Variants in PSMD1 observed in about 807,000 individuals in gnomAD.
The protein encoded by PSMD1 is proteasome 26S subunit, non-ATPase 1.
PSMD1 carries 18 observed loss-of-function variants against 119.0 expected under a neutral mutation model. That is an observed-to-expected ratio of 0.15 (90% CI 0.10 to 0.22). PSMD1 has a LOEUF of 0.22. Ranked by LOEUF, PSMD1 falls within the 10% of genes least tolerant of loss-of-function variation. The probability of loss-of-function intolerance (pLI) is 1.00; values close to 1 mark genes in which losing one functional copy is unlikely to be tolerated. For missense variants in PSMD1, 702 were observed against 1,158.5 expected (o/e 0.61, Z 5.72); for synonymous variants, 374 against 396.6 (o/e 0.94, Z 0.68).
At chr2:231,155,612 C>CT (rs1696467772) in intron 19 of PSMD1, among the ~76,000 whole-genome samples, 1 of 150,354 alleles carries the variant, frequency 6.7e-6, no homozygotes, top group Admixed American at 6.6e-5. Flanking sequence ...TTTGTAAATT[C>CT]TTTATTTTTG....
At chr2:231,058,781 C>G (rs751594592) in intron 1 of PSMD1, among the ~76,000 whole-genome samples, 10 of 152,186 alleles carry the variant, frequency 6.6e-5, no homozygotes, top group Non-Finnish European at 1.5e-4. Flanking sequence ...TCTCGGGGCC[C>G]TGGCACATTC....
In PSMD1 at chr2:231,085,128, C is replaced by T; in HGVS notation, c.1818+14C>T. 6.2e-7 allele frequency: 1 copy of T among 1,605,552 alleles called. No individual in the cohort carries two copies. Among genetic ancestry groups the T allele is most frequent in the East Asian group, 2.2e-5 (1 of 44,808 alleles). ...CTACATGTTGCTGTAAGTACTCTGA[C>T]CTTTCTTGGGAATGGGGTGGACGGA... On this transcript the variant is annotated intron_variant, in intron 15 of 24. Coordinates refer to ENST00000308696, the MANE Select transcript of PSMD1 (RefSeq NM_002807.4).
chr2:231,119,869 C>CA (rs78246469), intron 16 of PSMD1, among the ~76,000 whole-genome samples: 5,256 of 79,472 alleles, frequency 0.066, 228 homozygotes, highest in Non-Finnish European at 0.1. Context: ...GACTCCGTCT[C>CA]AAAAAAAAAA....
At position 231,083,754 on chromosome 2, in the gene PSMD1, T is replaced by C; in HGVS notation, c.1713T>C (p.Cys571=). Residue 571 remains cysteine (C), a synonymous_variant, in exon 14 of 25, where the codon TGT becomes TGC. Transcript: ENST00000308696. Reference sequence around the variant, plus strand: ...CTGATGCTCTCATTGAATCTCTCTGTCGTGACAAGGTGAGATCACATACGT... The same window carrying C: ...CTGATGCTCTCATTGAATCTCTCTGCCGTGACAAGGTGAGATCACATACGT... ...EEADALIESL[C]RDKDPILRRS... is the part of the protein sequence containing the mutation. 1.2e-6 allele frequency: 2 copies of C among 1,614,150 alleles called. No homozygotes were observed. Among genetic ancestry groups the C allele is most frequent in the Non-Finnish European group, 1.7e-6 (2 of 1,180,010 alleles).
intron 16 of PSMD1, among the ~76,000 whole-genome samples, chr2:231,092,708 A>G (rs901775047): frequency 6.6e-6 from 1 of 152,204 alleles, no homozygotes; most frequent in Non-Finnish European, 1.5e-5. Context: ...AATAGCCTAA[A>G]TGGAGTCTAC....
intron 16 of PSMD1, among the ~76,000 whole-genome samples, chr2:231,118,337 G>A (rs1695415152): frequency 6.6e-6 from 1 of 152,122 alleles, no homozygotes; most frequent in African/African-American, 2.4e-5. Flanking sequence ...AAATAAGAGT[G>A]TTTGTCTTTC....
At chr2:231,100,980 T>C (rs1694853094) in intron 16 of PSMD1, among the ~76,000 whole-genome samples, 3 of 152,214 alleles carry the variant, frequency 2.0e-5, no homozygotes, top group Admixed American at 6.5e-5. Context: ...CTGCAGATTC[T>C]GGCCAAGCAA....
At chr2:231,084,989 T>G (rs1286219213) in intron 14 of PSMD1, 30 bp from the exon 15 acceptor site, 1 of 1,554,680 alleles carries the variant, frequency 6.4e-7, no homozygotes. Flanking sequence ...TGAAATAAGT[T>G]GATGATTAAT....
intron 16 of PSMD1, among the ~76,000 whole-genome samples, chr2:231,088,301 T>G (rs1694505129): frequency 6.6e-6 from 1 of 152,204 alleles, no homozygotes; most frequent in Admixed American, 6.5e-5. Flanking sequence ...TCTACTTAGA[T>G]TCAATCTCAG....
At chr2:231,075,704 C>T in intron 8 of PSMD1, 133 bp downstream of exon 8, 1 of 711,642 alleles carries the variant, frequency 1.4e-6, no homozygotes, top group South Asian at 2.0e-5. Flanking sequence ...CTTAGCCTCC[C>T]AAGTAAATGG....
chr2:231,117,608 A>G (rs1385217729), intron 16 of PSMD1, among the ~76,000 whole-genome samples: 4 of 152,184 alleles, frequency 2.6e-5, no homozygotes, highest in Non-Finnish European at 5.9e-5. Context: ...ATTGTTTAAA[A>G]TGAAGACTGC....
chr2:231,159,991 C>T (rs1250201318), intron 19 of PSMD1, among the ~76,000 whole-genome samples: 2 of 152,226 alleles, frequency 1.3e-5, no homozygotes, highest in Non-Finnish European at 2.9e-5. Context: ...GGTGGTAATG[C>T]TCACTTGCCC....
chr2:231,101,050 G>A (rs1196496937), intron 16 of PSMD1, among the ~76,000 whole-genome samples: 3 of 152,166 alleles, frequency 2.0e-5, no homozygotes, highest in African/African-American at 4.8e-5. Context: ...GGGGGTTGCC[G>A]GCACTAGGGG....
chr2:231,061,050 G>GATGT (rs1693744589), intron 1 of PSMD1, among the ~76,000 whole-genome samples: 1 of 152,218 alleles, frequency 6.6e-6, no homozygotes, highest in African/African-American at 2.4e-5. Flanking sequence ...TTAGGCAAAT[G>GATGT]ATGTAATATA....
intron 16 of PSMD1, among the ~76,000 whole-genome samples, chr2:231,138,292 C>T (rs948708642): frequency 3.3e-5 from 5 of 152,202 alleles, no homozygotes; most frequent in African/African-American, 9.7e-5. Context: ...TATTATTCAA[C>T]TAAAGTGATA....
At chr2:231,167,708 T>A (rs1371671983) in intron 23 of PSMD1, among the ~76,000 whole-genome samples, 1 of 152,204 alleles carries the variant, frequency 6.6e-6, no homozygotes. Flanking sequence ...GAATACAAAC[T>A]TTATAGAATA....
rs890598676 is a variant in PSMD1, at chr2:231,145,796, G to C, written c.1999-444G>C. 3.4e-5 allele frequency among the ~76,000 whole-genome samples: 5 copies of C among 147,632 alleles called. No individual in the cohort carries two copies. In the East Asian group the frequency reaches 6.1e-4, roughly 18 times the overall value. On this transcript the variant is annotated intron_variant, in intron 17 of 24. Coordinates refer to ENST00000308696, the MANE Select transcript of PSMD1 (RefSeq NM_002807.4). ...TAATCCCAGCTACTCTGGAGGCTGA[G>C]TCAGGAGAATTTCTTAAACCCAGGA...
rs1249614919 is a variant in PSMD1 at position 231,170,325 on chromosome 2, A to G, written c.2716-241A>G. 5.3e-6 allele frequency: 2 copies of G among 378,902 alleles called. No individual in the cohort carries two copies. The highest frequency in any genetic ancestry group is 9.3e-6 in the Non-Finnish European group (2 of 214,552). 23.5% of individuals were successfully genotyped at this position (378,902 alleles called of 1,614,324 possible). ...ATGGCTGGGAAATAACTATTCTTAA[A>G]TTGGGATGCATCATCCAAGTAGAAC... On this transcript the variant is annotated intron_variant, in intron 23 of 24. Coordinates refer to ENST00000308696, the MANE Select transcript of PSMD1 (RefSeq NM_002807.4). The surrounding 1 kb of genome is among the most constrained non-coding windows in gnomAD (Gnocchi z 4.1).
At chr2:231,106,574 C>A (rs1200275724) in intron 16 of PSMD1, among the ~76,000 whole-genome samples, 1 of 151,900 alleles carries the variant, frequency 6.6e-6, no homozygotes, top group Non-Finnish European at 1.5e-5. Context: ...GCCAAGATTG[C>A]GCCACTGCAC....
Sources: gnomAD v4.1 joint callset for allele counts (sites outside exome capture counted in the v4.1 genomes callset) on GRCh38, gnomAD v4.1.1 for gene constraint, Gnocchi (gnomAD v3.1) non-coding constraint, MANE v1.5 for transcripts, NCBI Gene and HGNC (gene_info 2026-07-23, HGNC 2026-07-21) for gene names.